The following CDK14 variants were observed in gnomAD, a reference collection of about 807,000 sequenced individuals.
The protein encoded by CDK14 is cyclin-dependent kinase 14.
In CDK14, 34 loss-of-function variants were observed where a neutral mutation model predicts 60.7. The ratio of observed to expected loss-of-function variants is 0.56; its 90% confidence interval spans 0.43 to 0.75. CDK14 has a LOEUF of 0.75. Ranked by LOEUF, CDK14 falls within the 30% of genes least tolerant of loss-of-function variation. The pLI, the probability that CDK14 is intolerant of heterozygous loss-of-function variation, is 0.00. For missense variants in CDK14, 482 were observed against 564.1 expected (o/e 0.85, Z 1.47); for synonymous variants, 197 against 203.7 (o/e 0.97, Z 0.28).
chr7:90,984,289 T>A, intron 10 of CDK14, 48 bp downstream of exon 10: 1 of 1,178,050 alleles, frequency 8.5e-7, no homozygotes, highest in Non-Finnish European at 1.3e-6. Flanking sequence ...TTCTAATTAG[T>A]CACTTAGTGA....
intron 8 of CDK14, among the ~76,000 whole-genome samples, chr7:90,934,225 G>T (rs1210332788): frequency 6.6e-6 from 1 of 152,270 alleles, no homozygotes; most frequent in African/African-American, 2.4e-5. Context: ...TGCCAGTCAG[G>T]CGGGACTTAG....
At chr7:90,662,203 G>A (rs1800877499) in intron 2 of CDK14, among the ~76,000 whole-genome samples, 1 of 152,194 alleles carries the variant, frequency 6.6e-6, no homozygotes, top group African/African-American at 2.4e-5. Context: ...ATTTAGAACT[G>A]AAAGAAATTC....
chr7:91,130,963 G>A (rs1018701704), intron 14 of CDK14, among the ~76,000 whole-genome samples: 4 of 152,058 alleles, frequency 2.6e-5, no homozygotes, highest in African/African-American at 9.7e-5. Flanking sequence ...CGGGACTTGG[G>A]TCTTTTCCCG....
At chr7:91,202,351 GA>G (rs1376545811) in intron 14 of CDK14, among the ~76,000 whole-genome samples, 4 of 152,270 alleles carry the variant, frequency 2.6e-5, no homozygotes, top group African/African-American at 9.6e-5. Context: ...TGTAAAAGCT[GA>G]AAGCAAGATA....
intron 1 of CDK14, among the ~76,000 whole-genome samples, chr7:90,601,195 T>A (rs1022421380): frequency 6.6e-6 from 1 of 152,258 alleles, no homozygotes; most frequent in African/African-American, 2.4e-5. Context: ...CAGAATAATG[T>A]AATATGCTTG....
chr7:90,923,748 ATT>A (rs1356427658), intron 8 of CDK14, among the ~76,000 whole-genome samples: 5 of 152,252 alleles, frequency 3.3e-5, no homozygotes, highest in African/African-American at 7.2e-5. Context: ...GAGGGATTTC[ATT>A]ATGCAAAAAC....
At chr7:91,060,492 G>T (rs1036090146) in intron 11 of CDK14, among the ~76,000 whole-genome samples, 2 of 152,088 alleles carry the variant, frequency 1.3e-5, no homozygotes, top group African/African-American at 2.4e-5. Flanking sequence ...TTTCTTCCTA[G>T]CCTCGATGGT....
intron 14 of CDK14, among the ~76,000 whole-genome samples, chr7:91,176,557 G>A (rs1050908972): frequency 3.3e-5 from 5 of 151,980 alleles, no homozygotes; most frequent in African/African-American, 7.3e-5. Flanking sequence ...TTGATAGACT[G>A]CTAGCAAGAC....
At chr7:90,777,016 TA>T (rs11370384) in intron 4 of CDK14, among the ~76,000 whole-genome samples, 6,504 of 147,754 alleles carry the variant, frequency 0.044, 422 homozygotes, top group African/African-American at 0.14. Context: ...CGAAGTTAGT[TA>T]AAAAAAAAAA....
At chr7:90,616,874 A>G (rs1284245943) in intron 2 of CDK14, among the ~76,000 whole-genome samples, 1 of 148,168 alleles carries the variant, frequency 6.7e-6, no homozygotes, top group Non-Finnish European at 1.5e-5. Context: ...CATCATCATC[A>G]TATATATATA....
intron 2 of CDK14, among the ~76,000 whole-genome samples, chr7:90,701,259 T>C (rs1441591800): frequency 6.6e-6 from 1 of 152,198 alleles, no homozygotes; most frequent in Non-Finnish European, 1.5e-5. Flanking sequence ...AGTCAGTTTA[T>C]TTCCCATTAG....
intron 3 of CDK14, among the ~76,000 whole-genome samples, chr7:90,729,670 C>G (rs925267118): frequency 3.3e-5 from 5 of 151,274 alleles, no homozygotes; most frequent in African/African-American, 1.2e-4. Flanking sequence ...TATATTAGGT[C>G]ATTTATATTA....
chr7:90,879,339 G>T (rs1332822691), intron 6 of CDK14, among the ~76,000 whole-genome samples: 1 of 152,008 alleles, frequency 6.6e-6, no homozygotes, highest in Non-Finnish European at 1.5e-5. Context: ...ATCATTAAAT[G>T]CAGTTATGTA....
chr7:90,662,088 G>T (rs1800875470), intron 2 of CDK14, among the ~76,000 whole-genome samples: 1 of 152,162 alleles, frequency 6.6e-6, no homozygotes, highest in South Asian at 2.1e-4. Flanking sequence ...AAGCATTTGT[G>T]TGCTTTATTT....
intron 2 of CDK14, among the ~76,000 whole-genome samples, chr7:90,706,737 C>G (rs1476406877): frequency 1.3e-5 from 2 of 152,052 alleles, no homozygotes; most frequent in Non-Finnish European, 2.9e-5. Context: ...CCTGAGAAAC[C>G]AGCTTTGAGG....
chr7:91,186,834 ATCTGTGACAATTAAAATAT>A (rs1407771707), intron 14 of CDK14, among the ~76,000 whole-genome samples: 1 of 152,166 alleles, frequency 6.6e-6, no homozygotes, highest in Non-Finnish European at 1.5e-5. Context: ...ACCCTATAAA[ATCTGTGACAATTAAAATAT>A]TCTCTGCATG....
chr7:90,665,623 A>G (rs754228792), intron 2 of CDK14, among the ~76,000 whole-genome samples: 6 of 152,354 alleles, frequency 3.9e-5, no homozygotes, highest in Non-Finnish European at 8.8e-5. Context: ...AGGTGGTAGC[A>G]GATCCCTGAA....
chr7:90,792,107 G>A (rs970725893), intron 5 of CDK14, among the ~76,000 whole-genome samples: 6 of 151,530 alleles, frequency 4.0e-5, no homozygotes, highest in African/African-American at 1.2e-4. Flanking sequence ...TCACCGTGTT[G>A]GCCAGGCTGG....
chr7:91,062,122 G>A (rs559929604), intron 11 of CDK14, among the ~76,000 whole-genome samples: 21 of 152,074 alleles, frequency 1.4e-4, no homozygotes, highest in East Asian at 7.8e-4. Context: ...CCCCAGCCTC[G>A]CTGCCACCTT....
Sources: allele counts gnomAD v4.1 joint callset (sites outside exome capture counted in the v4.1 genomes callset), GRCh38; gene constraint gnomAD v4.1.1; transcripts MANE v1.5; gene names NCBI Gene and HGNC (gene_info 2026-07-23, HGNC 2026-07-21).